Variants in MTUS1 observed in about 807,000 individuals in gnomAD.
MTUS1 encodes microtubule-associated tumor suppressor 1.
In MTUS1, 109 loss-of-function variants were observed where a neutral mutation model predicts 120.8. The observed-to-expected ratio is 0.90, with a 90% confidence interval of 0.77 to 1.06. MTUS1 has a LOEUF of 1.06. Among genes scored for constraint, MTUS1 ranks in the 50% least tolerant of loss-of-function variants. The pLI is 0.00. For synonymous variants in MTUS1, 737 were observed against 550.5 expected (o/e 1.34, Z -4.74); for missense variants, 2,210 against 1,486.3 (o/e 1.49, Z -8.01).
chr8:17,697,742 G>C, intron 6 of MTUS1: 1 of 993,978 alleles, frequency 1.0e-6, no homozygotes, highest in Non-Finnish European at 1.2e-6. Flanking sequence ...GGTCTCAGGA[G>C]CTTTACAGAA....
intron 6 of MTUS1, among the ~76,000 whole-genome samples, chr8:17,695,804 A>G (rs1156911574): frequency 6.6e-6 from 1 of 152,206 alleles, no homozygotes; most frequent in African/African-American, 2.4e-5. Flanking sequence ...CTGTATAACA[A>G]AAAAGAATAA....
intron 3 of MTUS1, among the ~76,000 whole-genome samples, chr8:17,732,337 C>T (rs756971138): frequency 2.6e-5 from 4 of 152,182 alleles, no homozygotes; most frequent in East Asian, 1.9e-4. Context: ...TTCTTAACTG[C>T]GCCATTCTCC....
intron 8 of MTUS1, among the ~76,000 whole-genome samples, chr8:17,666,125 A>T (rs80331151): frequency 0.062 from 8,903 of 142,844 alleles, 508 homozygotes; most frequent in East Asian, 0.25. Context: ...AAATCACAAC[A>T]GCAAACACTC....
rs769417505 is a variant in MTUS1, at chr8:17,755,680, C to A, written c.128G>T (p.Ser43Ile). The A allele has an allele frequency of 3.1e-6, 5 of 1,614,102 alleles. No individual in the cohort carries two copies. Among genetic ancestry groups the A allele is most frequent in the Admixed American group, 3.3e-5 (2 of 60,004 alleles). ...SPPTQNSSASSVNWNSANPDD... is the reference protein window; with the variant it reads ...SPPTQNSSASIVNWNSANPDD... ...TGGGTTGGCAGAATTCCAGTTCACACTGCTGGCTGAAGAGTTTTGTGTAGG... is the reference window on the plus strand; with the variant it reads ...TGGGTTGGCAGAATTCCAGTTCACAATGCTGGCTGAAGAGTTTTGTGTAGG... Residue 43 changes from serine to isoleucine, a missense_variant, in exon 2 of 15, where the codon AGT becomes ATT. Transcript: ENST00000693296.
intron 7 of MTUS1, chr8:17,676,472 A>C: frequency 1.6e-6 from 1 of 634,232 alleles, no homozygotes; most frequent in Non-Finnish European, 2.8e-6. Context: ...GTCTTACTTC[A>C]TGTCCTGCAG....
chr8:17,741,372 C>A (rs966754974), intron 3 of MTUS1, among the ~76,000 whole-genome samples: 2 of 152,138 alleles, frequency 1.3e-5, no homozygotes, highest in South Asian at 4.1e-4. Context: ...CAGTCAAATA[C>A]AAAACTCAAA....
intron 2 of MTUS1, among the ~76,000 whole-genome samples, chr8:17,745,033 T>C (rs2047638130): frequency 6.6e-6 from 1 of 152,220 alleles, no homozygotes; most frequent in Non-Finnish European, 1.5e-5. Flanking sequence ...TGAGGACCTC[T>C]TGAGGATGTG....
chr8:17,652,907 A>C (rs990523296), intron 12 of MTUS1, among the ~76,000 whole-genome samples: 1 of 151,984 alleles, frequency 6.6e-6, no homozygotes. Flanking sequence ...TTTTAAATAA[A>C]GTCTTCACAT....
At chr8:17,697,879 C>T (rs1818289393) in intron 6 of MTUS1, 1 of 254,052 alleles carries the variant, frequency 3.9e-6, no homozygotes, top group Admixed American at 6.5e-5. Flanking sequence ...AAACTGTGTC[C>T]TGATTTTAAC....
chr8:17,687,844 A>C (rs930738642), intron 6 of MTUS1, among the ~76,000 whole-genome samples: 1 of 152,210 alleles, frequency 6.6e-6, no homozygotes, highest in African/African-American at 2.4e-5. Context: ...AAACTAGTGC[A>C]ATGAAGTCAT....
intron 2 of MTUS1, among the ~76,000 whole-genome samples, chr8:17,748,724 G>A (rs944814928): frequency 6.7e-6 from 1 of 149,350 alleles, no homozygotes; most frequent in Non-Finnish European, 1.5e-5. Context: ...AAGAGGTTGA[G>A]CATGGCGGGC....
intron 13 of MTUS1, among the ~76,000 whole-genome samples, chr8:17,649,510 G>A (rs1010788371): frequency 2.0e-5 from 3 of 152,068 alleles, no homozygotes; most frequent in African/African-American, 7.2e-5. Flanking sequence ...CAGGGTGGCT[G>A]GTATATTAAA....
At chr8:17,744,689 C>CTTTTTTTTTTTTTTTTTTTTTG (rs58283163) in intron 2 of MTUS1, among the ~76,000 whole-genome samples, 1 of 99,014 alleles carries the variant, frequency 1.0e-5, no homozygotes, top group Non-Finnish European at 2.0e-5. Context: ...ACCATGTTTT[C>CTTTTTTTTTTTTTTTTTTTTTG]TTTTTTTTTT....
intron 7 of MTUS1, among the ~76,000 whole-genome samples, chr8:17,680,683 C>G (rs117452184): frequency 0.027 from 4,103 of 152,136 alleles, 151 homozygotes; most frequent in South Asian, 0.15. Flanking sequence ...AGCGTTGGAT[C>G]AACTCTCTCT....
intron 2 of MTUS1, among the ~76,000 whole-genome samples, chr8:17,744,389 A>G (rs565427101): frequency 6.6e-6 from 1 of 152,026 alleles, no homozygotes; most frequent in Admixed American, 6.5e-5. Context: ...TAACCGAGAC[A>G]CTCCTTTCTA....
Position 17,644,226 on chromosome 8 carries a change from CATG to C in MTUS1, c.*1697_*1699del, listed in dbSNP as rs1805378033. 6.6e-6 allele frequency: 1 copy of C among 152,478 alleles called. No homozygotes were observed. The highest frequency in any genetic ancestry group is 2.4e-5 in the African/African-American group (1 of 41,424). 9.4% of individuals were successfully genotyped at this position (152,478 alleles called of 1,614,324 possible). A position where few individuals can be genotyped will look rare whatever the true frequency, so the allele number is the denominator to read the frequency against. On this transcript the variant is annotated 3_prime_UTR_variant, in exon 15 of 15. Coordinates refer to ENST00000693296, the MANE Select transcript of MTUS1 (RefSeq NM_001363059.2). ...AGAAGCAAACATGGAAGGTTACATA[CATG>C]ATGAAGTATTGGAAGTTAAAGACTT...
At chr8:17,690,493 A>G (rs1372524263) in intron 6 of MTUS1, among the ~76,000 whole-genome samples, 3 of 152,206 alleles carry the variant, frequency 2.0e-5, no homozygotes, top group African/African-American at 7.2e-5. Context: ...TCAAAGAACT[A>G]AAAATAGAAC....
intron 3 of MTUS1, among the ~76,000 whole-genome samples, chr8:17,740,490 C>A (rs1339287214): frequency 6.6e-6 from 1 of 152,336 alleles, no homozygotes; most frequent in East Asian, 1.9e-4. Context: ...TCAATGGCAA[C>A]AGGATCACGG....
At chr8:17,710,376 T>C (rs1177789446) in intron 6 of MTUS1, among the ~76,000 whole-genome samples, 1 of 152,204 alleles carries the variant, frequency 6.6e-6, no homozygotes, top group Non-Finnish European at 1.5e-5. Flanking sequence ...TTCAACAGTG[T>C]TCACATCATC....
Sources: allele counts gnomAD v4.1 joint callset (sites outside exome capture counted in the v4.1 genomes callset), GRCh38; gene constraint gnomAD v4.1.1; transcripts MANE v1.5; gene names NCBI Gene and HGNC (gene_info 2026-07-23, HGNC 2026-07-21).